SPOCK3: variants seen among roughly 807,000 people sequenced by gnomAD.
SPOCK3 encodes SPARC (osteonectin), cwcv and kazal like domains proteoglycan 3.
Under a neutral mutation model 56.6 loss-of-function variants are expected in SPOCK3, and 30 were observed. The ratio of observed to expected loss-of-function variants is 0.53; its 90% CI spans 0.40 to 0.72. The LOEUF is 0.72. Ranked by LOEUF, SPOCK3 falls within the 30% of genes least tolerant of loss-of-function variation. The probability of loss-of-function intolerance (pLI) is 0.00; values close to 1 mark genes in which losing one functional copy is unlikely to be tolerated. For synonymous variants in SPOCK3, 196 were observed against 183.3 expected (o/e 1.07, Z -0.56); for missense variants, 527 against 530.0 (o/e 0.99, Z 0.06).
Position 167,177,835 on chromosome 4 carries a change from T to C in SPOCK3, c.189+56150A>G, listed in dbSNP as rs374693757. ...GTTGATGTTCTGTGAGATTTCTTTA[T>C]GTCTCATAGGAGAACACCAAGGCTT... is the stretch of plus-strand genomic sequence containing the variant. On this transcript the variant is annotated intron_variant, in intron 2 of 10. Coordinates refer to ENST00000357545, the MANE Select transcript of SPOCK3 (RefSeq NM_001040159.2). Among the ~76,000 whole-genome samples the C allele has an allele frequency of 1.1e-4, 17 of 152,308 alleles. No homozygotes were observed. In the East Asian group the frequency reaches 2.5e-3, roughly 23 times the overall value.
At chr4:166,738,877 C>T (rs1734530361) in intron 9 of SPOCK3, among the ~76,000 whole-genome samples, 1 of 151,920 alleles carries the variant, frequency 6.6e-6, no homozygotes, top group African/African-American at 2.4e-5. Context: ...CATTGTTGGA[C>T]ATTTGGGTTG....
At chr4:166,954,023 A>G (rs137936999) in intron 4 of SPOCK3, among the ~76,000 whole-genome samples, 13,410 of 152,192 alleles carry the variant, frequency 0.088, 728 homozygotes, top group Middle Eastern at 0.2. Flanking sequence ...AGCATGGCAC[A>G]TGTATACATA....
At chr4:167,195,162 T>C (rs188339314) in intron 2 of SPOCK3, among the ~76,000 whole-genome samples, 132 of 152,230 alleles carry the variant, frequency 8.7e-4, no homozygotes, top group Middle Eastern at 3.4e-3. Flanking sequence ...CCAAGGGACA[T>C]AGATGGGTGT....
At chr4:166,761,895 TAAAAAAA>T (rs748340803) in intron 7 of SPOCK3, among the ~76,000 whole-genome samples, 7 of 103,384 alleles carry the variant, frequency 6.8e-5, no homozygotes, top group African/African-American at 1.1e-4. Context: ...TAGAGTATAA[TAAAAAAA>T]AAAAAAAAAA....
intron 8 of SPOCK3, among the ~76,000 whole-genome samples, chr4:166,750,095 A>C (rs1356675710): frequency 1.3e-5 from 2 of 152,160 alleles, no homozygotes; most frequent in Non-Finnish European, 2.9e-5. Context: ...GTGTAAAAGA[A>C]CATTTTAGAA....
intron 6 of SPOCK3, among the ~76,000 whole-genome samples, chr4:166,806,541 T>G (rs1743183741): frequency 6.6e-6 from 1 of 152,056 alleles, no homozygotes; most frequent in Admixed American, 6.6e-5. Context: ...AGGCTTCTCA[T>G]GAAAATATTA....
chr4:166,986,725 A>G (rs1214893859), intron 4 of SPOCK3, among the ~76,000 whole-genome samples: 1 of 152,174 alleles, frequency 6.6e-6, no homozygotes, highest in African/African-American at 2.4e-5. Context: ...AGGATGATAT[A>G]TCAGTGACAC....
At chr4:167,020,788 T>A (rs1751090869) in intron 3 of SPOCK3, among the ~76,000 whole-genome samples, 1 of 152,000 alleles carries the variant, frequency 6.6e-6, no homozygotes, top group African/African-American at 2.4e-5. Flanking sequence ...ACCATATCCT[T>A]ACTTCCCATT....
At chr4:166,872,952 A>G (rs1001416617) in intron 6 of SPOCK3, among the ~76,000 whole-genome samples, 1 of 152,090 alleles carries the variant, frequency 6.6e-6, no homozygotes, top group African/African-American at 2.4e-5. Flanking sequence ...AAGAAAGAGG[A>G]ACAGGGGAAG....
At chr4:167,012,628 C>A (rs1427940387) in intron 3 of SPOCK3, among the ~76,000 whole-genome samples, 1 of 151,826 alleles carries the variant, frequency 6.6e-6, no homozygotes, top group Admixed American at 6.6e-5. Flanking sequence ...AGTTTAGTGG[C>A]AATTTTGGAA....
At chr4:167,008,836 A>C (rs1376003785) in intron 3 of SPOCK3, among the ~76,000 whole-genome samples, 2 of 152,084 alleles carry the variant, frequency 1.3e-5, no homozygotes, top group Non-Finnish European at 2.9e-5. Context: ...TGGGGACTCC[A>C]ACAGCAAGAA....
At chr4:166,984,972 G>A (rs1463767570) in intron 4 of SPOCK3, among the ~76,000 whole-genome samples, 1 of 152,002 alleles carries the variant, frequency 6.6e-6, no homozygotes, top group African/African-American at 2.4e-5. Flanking sequence ...AAGAACACAG[G>A]GAAATTGCTG....
At chr4:167,116,246 A>T (rs1230603279) in intron 2 of SPOCK3, among the ~76,000 whole-genome samples, 1 of 151,690 alleles carries the variant, frequency 6.6e-6, no homozygotes, top group Non-Finnish European at 1.5e-5. Context: ...TTGCAATATT[A>T]ATTTTAATGG....
intron 4 of SPOCK3, among the ~76,000 whole-genome samples, chr4:166,949,431 T>C (rs1742225052): frequency 6.6e-6 from 1 of 152,180 alleles, no homozygotes; most frequent in South Asian, 2.1e-4. Flanking sequence ...TTTTAGAGTT[T>C]CCAGTTTTTC....
intron 6 of SPOCK3, among the ~76,000 whole-genome samples, chr4:166,850,279 C>T (rs1175814137): frequency 6.6e-6 from 1 of 152,108 alleles, no homozygotes; most frequent in Non-Finnish European, 1.5e-5. Context: ...AGGCAGTAGA[C>T]ATATGAATGT....
At chr4:167,158,844 C>T (rs1765039742) in intron 2 of SPOCK3, among the ~76,000 whole-genome samples, 1 of 151,896 alleles carries the variant, frequency 6.6e-6, no homozygotes, top group Non-Finnish European at 1.5e-5. Context: ...GGTAAATGTT[C>T]ATCAAAATAT....
chr4:166,843,184 C>G lies in SPOCK3; in HGVS notation c.589+45946G>C, dbSNP rs7697008. On this transcript the variant is annotated intron_variant, in intron 6 of 10. Coordinates refer to ENST00000357545, the MANE Select transcript of SPOCK3 (RefSeq NM_001040159.2). ...GAGTTCCTCTCCCTCCACACCCCCC[C>G]GCAAACAGAGGGAGCCAGCTCCAGC... is the stretch of plus-strand genomic sequence containing the variant. Among the ~76,000 whole-genome samples, 11 of 152,246 alleles carry G rather than the reference C, an allele frequency of 7.2e-5. No individual in the cohort carries two copies. The South Asian group carries it at 1.2e-3, about 17-fold the overall frequency.
At chr4:166,950,651 C>T (rs1441862471) in intron 4 of SPOCK3, among the ~76,000 whole-genome samples, 1 of 149,952 alleles carries the variant, frequency 6.7e-6, no homozygotes, top group Non-Finnish European at 1.5e-5. Context: ...AGCACCACAC[C>T]ACACCTATTC....
chr4:166,885,120 T>C (rs529539691), intron 6 of SPOCK3, among the ~76,000 whole-genome samples: 17 of 152,004 alleles, frequency 1.1e-4, no homozygotes, highest in Non-Finnish European at 2.5e-4. Context: ...AAATTCAGAA[T>C]AATCTTAGAG....
Sources: gnomAD v4.1 joint callset for allele counts (sites outside exome capture counted in the v4.1 genomes callset) on GRCh38, gnomAD v4.1.1 for gene constraint, MANE v1.5 for transcripts, NCBI Gene and HGNC (gene_info 2026-07-23, HGNC 2026-07-21) for gene names.